The following ALK variants were observed in gnomAD, a reference collection of about 807,000 sequenced individuals.
ALK encodes the protein ALK receptor tyrosine kinase, also known as ALK tyrosine kinase receptor.
Under a neutral mutation model 163.1 loss-of-function variants are expected in ALK, and 74 were observed. That is an observed-to-expected ratio of 0.45 (90% CI 0.38 to 0.55). ALK has a LOEUF of 0.55. Among genes scored for constraint, ALK ranks in the 20% least tolerant of loss-of-function variants. ALK has a pLI of 0.00. For synonymous variants in ALK, 960 were observed against 843.2 expected, an observed-to-expected ratio of 1.14 and a Z score of -2.40; for missense variants, 2,063 against 2,105.3, an observed-to-expected ratio of 0.98 and a Z score of 0.39.
intron 23 of ALK, among the ~76,000 whole-genome samples, chr2:29,214,353 C>T (rs1024203984): frequency 1.2e-4 from 19 of 152,238 alleles, no homozygotes; most frequent in African/African-American, 3.9e-4. Context: ...AGCGAAGGCT[C>T]GGAACACCCA....
chr2:29,813,323 T>C (rs1184022307), intron 1 of ALK, among the ~76,000 whole-genome samples: 3 of 152,152 alleles, frequency 2.0e-5, no homozygotes, highest in Non-Finnish European at 4.4e-5. Context: ...CAAACATCCA[T>C]TTCAGTCTGG....
chr2:29,198,958 T>A (rs940050774), intron 26 of ALK, among the ~76,000 whole-genome samples: 2 of 126,368 alleles, frequency 1.6e-5, no homozygotes, highest in Non-Finnish European at 3.1e-5. Context: ...TATTAGTTGT[T>A]TTCTTTTTTT....
intron 4 of ALK, among the ~76,000 whole-genome samples, chr2:29,423,324 T>C (rs1358240891): frequency 4.6e-5 from 7 of 152,198 alleles, no homozygotes; most frequent in East Asian, 1.9e-4. Flanking sequence ...CTAGAATTTG[T>C]ACCAAGATTG....
At chr2:29,668,411 G>A (rs1017263780) in intron 3 of ALK, among the ~76,000 whole-genome samples, 1 of 151,648 alleles carries the variant, frequency 6.6e-6, no homozygotes, top group Non-Finnish European at 1.5e-5. Flanking sequence ...CTCCCTGTTA[G>A]CACTGTTTTG....
At chr2:29,677,757 C>A (rs978402437) in intron 3 of ALK, among the ~76,000 whole-genome samples, 1 of 152,016 alleles carries the variant, frequency 6.6e-6, no homozygotes, top group African/African-American at 2.4e-5. Flanking sequence ...CTTGTCACAT[C>A]TATTTTCCTA....
intron 3 of ALK, among the ~76,000 whole-genome samples, chr2:29,574,746 C>T (rs1159480646): frequency 6.6e-6 from 1 of 152,194 alleles, no homozygotes; most frequent in East Asian, 1.9e-4. Flanking sequence ...GGAGGGGAGG[C>T]CGTGCTGAAC....
At chr2:29,902,696 G>A (rs998485300) in intron 1 of ALK, among the ~76,000 whole-genome samples, 1 of 152,132 alleles carries the variant, frequency 6.6e-6, no homozygotes, top group South Asian at 2.1e-4. Context: ...GACTGACCTT[G>A]TGCTCCATAC....
At chr2:29,290,073 T>C (rs1665979704) in intron 9 of ALK, among the ~76,000 whole-genome samples, 1 of 152,178 alleles carries the variant, frequency 6.6e-6, no homozygotes, top group Non-Finnish European at 1.5e-5. Context: ...ACATAATGCC[T>C]CAGGGGATTT....
chr2:29,758,561 A>G (rs915794655), intron 1 of ALK, among the ~76,000 whole-genome samples: 2 of 152,056 alleles, frequency 1.3e-5, no homozygotes, highest in Non-Finnish European at 2.9e-5. Context: ...CCCTTGGCCT[A>G]CTTTCTGGAT....
At chr2:29,705,112 G>C (rs1678857854) in intron 2 of ALK, among the ~76,000 whole-genome samples, 1 of 150,630 alleles carries the variant, frequency 6.6e-6, no homozygotes, top group South Asian at 2.1e-4. Flanking sequence ...CAGCTGCTCG[G>C]GAGGCTGAGG....
At chr2:29,372,148 A>G (rs185909550) in intron 5 of ALK, among the ~76,000 whole-genome samples, 331 of 152,348 alleles carry the variant, frequency 2.2e-3, no homozygotes, top group African/African-American at 7.4e-3. Context: ...GCATTGCTAC[A>G]CATCCTGCAG....
chr2:29,668,606 AG>A (rs1324708304), intron 3 of ALK, among the ~76,000 whole-genome samples: 1 of 152,070 alleles, frequency 6.6e-6, no homozygotes, highest in Non-Finnish European at 1.5e-5. Context: ...TGGGCAGCAA[AG>A]ATACTTGATA....
At chr2:29,262,848 G>A (rs575355787) in intron 11 of ALK, among the ~76,000 whole-genome samples, 2 of 152,332 alleles carry the variant, frequency 1.3e-5, no homozygotes, top group South Asian at 4.1e-4. Context: ...TGGCTCCTGT[G>A]ATGGCTGCTG....
intron 5 of ALK, among the ~76,000 whole-genome samples, chr2:29,382,190 G>T (rs1025868532): frequency 2.0e-5 from 3 of 152,194 alleles, no homozygotes; most frequent in Non-Finnish European, 4.4e-5. Context: ...CTCTAAGAGG[G>T]TGCCCTGCCA....
chr2:29,785,944 C>T (rs1664004084), intron 1 of ALK, among the ~76,000 whole-genome samples: 1 of 62,092 alleles, frequency 1.6e-5, no homozygotes, highest in Non-Finnish European at 4.7e-5. Flanking sequence ...CACACACACA[C>T]ACACACACAC....
chr2:29,798,437 AGTT>A (rs1383980580), intron 1 of ALK, among the ~76,000 whole-genome samples: 8 of 152,382 alleles, frequency 5.2e-5, no homozygotes, highest in African/African-American at 1.9e-4. Context: ...CTGGAATGTG[AGTT>A]GTTGTTTAAA....
rs1161288436 is a variant in ALK, at chr2:29,921,396, G to C, written c.-737C>G. 3 of 232,670 alleles carry C rather than the reference G, an allele frequency of 1.3e-5. No individual in the cohort carries two copies. Among genetic ancestry groups the C allele is most frequent in the African/African-American group, 4.4e-5 (2 of 45,312 alleles). 14.4% of individuals were successfully genotyped at this position (232,670 alleles called of 1,614,324 possible). On this transcript the variant is annotated 5_prime_UTR_variant, in exon 1 of 29. Coordinates refer to ENST00000389048, the MANE Select transcript of ALK (RefSeq NM_004304.5). ...GAGCGGCCCCGGCGGCAGCAGCTGAGGGCGTTCAGGGCAGGGGCGCCCGAA... is the reference window on the plus strand; with the variant it reads ...GAGCGGCCCCGGCGGCAGCAGCTGACGGCGTTCAGGGCAGGGGCGCCCGAA...
chr2:29,428,301 A>G (rs989826713), intron 4 of ALK, among the ~76,000 whole-genome samples: 1 of 152,052 alleles, frequency 6.6e-6, no homozygotes, highest in Non-Finnish European at 1.5e-5. Flanking sequence ...AATAGAAAAA[A>G]TAGAGAAAAT....
chr2:29,610,085 C>A (rs1221797997), intron 3 of ALK, among the ~76,000 whole-genome samples: 1 of 152,198 alleles, frequency 6.6e-6, no homozygotes, highest in Non-Finnish European at 1.5e-5. Flanking sequence ...TCCAGTAGGC[C>A]TGTGAACCCA....
Sources: allele counts gnomAD v4.1 joint callset (sites outside exome capture counted in the v4.1 genomes callset), GRCh38; gene constraint gnomAD v4.1.1; transcripts MANE v1.5; gene names NCBI Gene and HGNC (gene_info 2026-07-23, HGNC 2026-07-21).